TANGO6: variants seen among roughly 807,000 people sequenced by gnomAD.
The protein encoded by TANGO6 is transport and golgi organization 6 homolog, also known as transport and Golgi organization protein 6 homolog.
In TANGO6, 90 loss-of-function variants were observed where a neutral mutation model predicts 114.2. The observed-to-expected ratio is 0.79, with a 90% CI of 0.66 to 0.94. TANGO6 has a LOEUF of 0.94. TANGO6 is among the 40% of genes least tolerant of loss of function. TANGO6 has a pLI of 0.00. For missense variants in TANGO6, 1,274 were observed against 1,315.3 expected (o/e 0.97, Z 0.49); for synonymous variants, 477 against 509.8 (o/e 0.94, Z 0.87).
intron 15 of TANGO6, among the ~76,000 whole-genome samples, chr16:69,017,580 G>A (rs936955990): frequency 6.6e-6 from 1 of 152,000 alleles, no homozygotes; most frequent in African/African-American, 2.4e-5. Flanking sequence ...ATGAATGTGT[G>A]CCTTTTCTTC....
intron 3 of TANGO6, among the ~76,000 whole-genome samples, chr16:68,865,773 CCTGGCATGGTGG>C (rs1223366292): frequency 7.3e-6 from 1 of 136,534 alleles, no homozygotes; most frequent in Non-Finnish European, 1.6e-5. Context: ...AAAAAAATAG[CCTGGCATGGTGG>C]CAGGTGCCTG....
intron 2 of TANGO6, among the ~76,000 whole-genome samples, chr16:68,862,673 A>C (rs1360562895): frequency 6.6e-6 from 1 of 152,186 alleles, no homozygotes; most frequent in Non-Finnish European, 1.5e-5. Context: ...GAGCTGAGAG[A>C]TGCTTGCCAA....
At chr16:68,869,776 G>A (rs1173085342) in intron 4 of TANGO6, among the ~76,000 whole-genome samples, 1 of 152,166 alleles carries the variant, frequency 6.6e-6, no homozygotes, top group Non-Finnish European at 1.5e-5. Context: ...AGGCTGAGTT[G>A]GAATTAACTA....
rs370185476 is a variant in TANGO6, at chr16:68,998,639, GA to G, written c.2843-24188del. Reference sequence around the variant, plus strand: ...CCAGCTACTTGGGAGGCTGAGGCAGGAGAATTGCTTGAACCTGGAAGGCGGA... The same window carrying G: ...CCAGCTACTTGGGAGGCTGAGGCAGGGAATTGCTTGAACCTGGAAGGCGGA... On this transcript the variant is annotated intron_variant, in intron 15 of 17. Coordinates refer to ENST00000261778, the MANE Select transcript of TANGO6 (RefSeq NM_024562.2). Among the ~76,000 whole-genome samples the G allele has an allele frequency of 9.3e-3, 1,410 of 151,446 alleles. 20 individuals are homozygous for G. Among genetic ancestry groups the G allele is most frequent in the African/African-American group, 0.032 (1,335 of 41,318 alleles).
At chr16:68,923,047 A>G (rs1963118389) in intron 12 of TANGO6, among the ~76,000 whole-genome samples, 1 of 143,712 alleles carries the variant, frequency 7.0e-6, no homozygotes, top group Admixed American at 7.4e-5. Flanking sequence ...CGCTGGGTTC[A>G]AGCGATTCTC....
chr16:69,039,073 T>C (rs1264211338), intron 16 of TANGO6, among the ~76,000 whole-genome samples: 1 of 152,066 alleles, frequency 6.6e-6, no homozygotes, highest in African/African-American at 2.4e-5. Context: ...TAGTCCCAGC[T>C]ACTCGGGAGG....
At chr16:68,890,886 G>A (rs1962603966) in intron 7 of TANGO6, among the ~76,000 whole-genome samples, 1 of 152,116 alleles carries the variant, frequency 6.6e-6, no homozygotes, top group South Asian at 2.1e-4. Context: ...TTAGCTGGAT[G>A]TGGTGGTGGG....
At chr16:69,065,530 AT>A (rs1344862135) in intron 17 of TANGO6, among the ~76,000 whole-genome samples, 22 of 152,222 alleles carry the variant, frequency 1.4e-4, no homozygotes, top group African/African-American at 5.1e-4. Flanking sequence ...CCCATCTCCA[AT>A]TTGCACTTTA....
intron 17 of TANGO6, among the ~76,000 whole-genome samples, chr16:69,072,473 C>T (rs1011107382): frequency 5.3e-5 from 8 of 152,030 alleles, no homozygotes; most frequent in Admixed American, 5.2e-4. Flanking sequence ...ATATCCTGCC[C>T]CCGACAGAGG....
intron 4 of TANGO6, among the ~76,000 whole-genome samples, chr16:68,874,845 G>A (rs1962330574): frequency 6.6e-6 from 1 of 152,068 alleles, no homozygotes; most frequent in Non-Finnish European, 1.5e-5. Flanking sequence ...AGCTACTCGG[G>A]AGGTTGAGGC....
At chr16:68,975,866 GT>G (rs1281791688) in intron 15 of TANGO6, among the ~76,000 whole-genome samples, 1 of 151,992 alleles carries the variant, frequency 6.6e-6, no homozygotes, top group East Asian at 1.9e-4. Context: ...TGAGGGGAAT[GT>G]TTCTTAACCT....
rs1391824785 is a variant in TANGO6 at position 69,012,563 on chromosome 16, AAAAAAAAAAAAAAAAGG to A, written c.2843-10250_2843-10234del. ...AAGAGCGAAACTCTGTCTCAAAAAA[AAAAAAAAAAAAAAAAGG>A]AAAAAAAAAAAAAAGAAAGAAATAC... is the stretch of plus-strand genomic sequence containing the variant. On this transcript the variant is annotated intron_variant, in intron 15 of 17. Transcript: ENST00000261778. 6.8e-3 allele frequency among the ~76,000 whole-genome samples: 991 copies of A among 146,334 alleles called. 6 individuals are homozygous for A. Among genetic ancestry groups the A allele is most frequent in the Middle Eastern group, 0.018 (5 of 282 alleles).
chr16:69,080,688 T>C (rs1345208715), intron 17 of TANGO6, among the ~76,000 whole-genome samples: 2 of 152,214 alleles, frequency 1.3e-5, no homozygotes, highest in Non-Finnish European at 2.9e-5. Context: ...AGCCTTACCT[T>C]TTAATATGTA....
intron 15 of TANGO6, among the ~76,000 whole-genome samples, chr16:68,978,925 ATTT>A (rs58270481): frequency 2.2e-5 from 3 of 134,622 alleles, no homozygotes; most frequent in Non-Finnish European, 3.1e-5. Flanking sequence ...AAAGTATATG[ATTT>A]TTTTTTTTTT....
At chr16:68,904,888 C>G (rs983258587) in intron 9 of TANGO6, among the ~76,000 whole-genome samples, 7 of 152,196 alleles carry the variant, frequency 4.6e-5, no homozygotes, top group African/African-American at 1.7e-4. Flanking sequence ...TGCTTGAGGC[C>G]AGGAGTTCAA....
chr16:69,005,270 T>G (rs1597054898), intron 15 of TANGO6, among the ~76,000 whole-genome samples: 1 of 127,372 alleles, frequency 7.9e-6, no homozygotes, highest in African/African-American at 3.2e-5. Context: ...GCATGCAATT[T>G]GACAGTAAGA....
At chr16:69,077,463 C>T (rs1465490791) in intron 17 of TANGO6, among the ~76,000 whole-genome samples, 2 of 152,084 alleles carry the variant, frequency 1.3e-5, no homozygotes, top group African/African-American at 4.8e-5. Flanking sequence ...TTTATTCACT[C>T]ATACTTTTTT....
chr16:68,857,063 C>G (rs771823728), intron 1 of TANGO6, among the ~76,000 whole-genome samples: 4 of 152,218 alleles, frequency 2.6e-5, no homozygotes, highest in Non-Finnish European at 5.9e-5. Context: ...GAGCCAAGAT[C>G]GCACCGCTGC....
Position 68,919,117 on chromosome 16 carries a change from A to G in TANGO6, c.2025A>G (p.Arg675=), listed in dbSNP as rs1207831693. 6.2e-7 allele frequency: 1 copy of G among 1,612,918 alleles called. No individual in the cohort carries two copies. Among genetic ancestry groups the G allele is most frequent in the African/African-American group, 1.3e-5 (1 of 74,830 alleles). ...ACTTTGTAGCAGCAACATTGCAGAG[A>G]GCCTGTGCAAGCCTGGCCCATCAGG... ...VVDFVAATLQ[R]ACASLAHQAE... The change falls in exon 12 of 18, where the codon AGA becomes AGG. Residue 675 remains arginine, a synonymous_variant. Transcript: ENST00000261778.
Sources: allele counts gnomAD v4.1 joint callset (sites outside exome capture counted in the v4.1 genomes callset), GRCh38; gene constraint gnomAD v4.1.1; transcripts MANE v1.5; gene names NCBI Gene and HGNC (gene_info 2026-07-23, HGNC 2026-07-21).